PTPN12: variants seen among roughly 807,000 people sequenced by gnomAD.
The protein encoded by PTPN12 is tyrosine-protein phosphatase non-receptor type 12.
PTPN12 carries 29 observed loss-of-function variants against 97.6 expected under a neutral mutation model. The observed-to-expected ratio is 0.30, with a 90% CI of 0.22 to 0.41. The LOEUF is 0.41. PTPN12 is among the 10% of genes least tolerant of loss of function. PTPN12 has a pLI of 1.00. For synonymous variants in PTPN12, 327 were observed against 300.4 expected, an observed-to-expected ratio of 1.09 and a Z score of -0.91; for missense variants, 819 against 926.0, an observed-to-expected ratio of 0.88 and a Z score of 1.50.
intron 8 of PTPN12, 83 bp from the exon 9 acceptor site, chr7:77,607,152 T>C: frequency 9.0e-7 from 1 of 1,110,994 alleles, no homozygotes; most frequent in Non-Finnish European, 1.3e-6. Flanking sequence ...TTTTTGTTTC[T>C]GAATATTAAC....
chr7:77,631,484 T>G (rs1471047566), intron 13 of PTPN12, among the ~76,000 whole-genome samples: 1 of 152,138 alleles, frequency 6.6e-6, no homozygotes, highest in Non-Finnish European at 1.5e-5. Context: ...TCGCATTTCT[T>G]TTTCTTTATC....
chr7:77,571,987 TTC>T (rs1787158420), intron 2 of PTPN12, among the ~76,000 whole-genome samples: 2 of 152,230 alleles, frequency 1.3e-5, no homozygotes, highest in African/African-American at 4.8e-5. Flanking sequence ...GCCGTCGTTT[TTC>T]TTTCTTCATA....
intron 1 of PTPN12, among the ~76,000 whole-genome samples, chr7:77,538,373 GC>G (rs1221756046): frequency 6.6e-6 from 1 of 151,358 alleles, no homozygotes; most frequent in East Asian, 2.0e-4. Flanking sequence ...AAGGAAGCCA[GC>G]CGACTTCGGA....
Position 77,558,665 on chromosome 7 carries a change from C to T in PTPN12, c.100-12413C>T, listed in dbSNP as rs1239503306. 3.3e-5 allele frequency among the ~76,000 whole-genome samples: 5 copies of T among 152,250 alleles called. No homozygotes were observed. The South Asian group carries it at 6.2e-4, about 19-fold the overall frequency. On this transcript the variant is annotated intron_variant, in intron 1 of 17. Transcript: ENST00000248594. ...CTTGGCTGGTGTCTGGGAACTTAGACTTTTGGGAGAATTTCCATTATCCCC... is the reference window on the plus strand; with the variant it reads ...CTTGGCTGGTGTCTGGGAACTTAGATTTTTGGGAGAATTTCCATTATCCCC...
intron 14 of PTPN12, among the ~76,000 whole-genome samples, chr7:77,633,143 G>T (rs938389285): frequency 3.3e-5 from 5 of 151,876 alleles, no homozygotes; most frequent in African/African-American, 1.2e-4. Context: ...GGTGGCGCAT[G>T]CCTGTAATCC....
At chr7:77,609,340 C>T (rs1478507612) in intron 9 of PTPN12, among the ~76,000 whole-genome samples, 2 of 141,484 alleles carry the variant, frequency 1.4e-5, no homozygotes, top group Non-Finnish European at 3.0e-5. Context: ...GGTGTAATCT[C>T]GGCTCACTGC....
chr7:77,630,464 A>G (rs1284114087), intron 13 of PTPN12, among the ~76,000 whole-genome samples: 7 of 152,340 alleles, frequency 4.6e-5, no homozygotes, highest in African/African-American at 1.7e-4. Context: ...TCTGGGCCAT[A>G]CAATGTAACC....
intron 2 of PTPN12, among the ~76,000 whole-genome samples, chr7:77,580,101 A>G (rs1326096644): frequency 6.6e-6 from 1 of 152,262 alleles, no homozygotes; most frequent in East Asian, 1.9e-4. Context: ...ATGGCCCATC[A>G]GTAGAGTAGC....
intron 13 of PTPN12, 100 bp from the exon 14 acceptor site, chr7:77,632,248 C>A: frequency 1.1e-6 from 1 of 896,364 alleles, no homozygotes; most frequent in Middle Eastern, 2.9e-4. Flanking sequence ...AAAAACTGAT[C>A]TAGATATTTG....
intron 12 of PTPN12, among the ~76,000 whole-genome samples, chr7:77,625,474 T>TCGCGCTCTCTCTCTCC (rs761174867): frequency 6.9e-5 from 2 of 29,162 alleles, no homozygotes; most frequent in Non-Finnish European, 1.2e-4. Context: ...GGCTGCTCGC[T>TCGCGCTCTCTCTCTCC]CTCTCTCTCT....
intron 11 of PTPN12, among the ~76,000 whole-genome samples, chr7:77,613,232 T>C (rs1788633749): frequency 7.4e-6 from 1 of 135,076 alleles, no homozygotes; most frequent in South Asian, 2.4e-4. Flanking sequence ...TGGAGTGCAG[T>C]AGCACAGTCT....
chr7:77,564,759 T>TTTTG (rs1562715175), intron 1 of PTPN12, among the ~76,000 whole-genome samples: 10 of 99,124 alleles, frequency 1.0e-4, no homozygotes, highest in Admixed American at 3.3e-4. Flanking sequence ...TTTTTTTTTT[T>TTTTG]TTTTTTTTTT....
At chr7:77,594,118 G>T (rs570618971) in intron 6 of PTPN12, among the ~76,000 whole-genome samples, 36 of 152,222 alleles carry the variant, frequency 2.4e-4, no homozygotes, top group African/African-American at 8.2e-4. Flanking sequence ...GTAGTATTTA[G>T]TCAATATTCT....
intron 1 of PTPN12, among the ~76,000 whole-genome samples, chr7:77,546,960 G>A (rs1431956519): frequency 6.6e-6 from 1 of 152,224 alleles, no homozygotes; most frequent in Non-Finnish European, 1.5e-5. Context: ...ATTTGGTGGG[G>A]ACACAAAGCC....
intron 12 of PTPN12, among the ~76,000 whole-genome samples, chr7:77,621,208 T>C (rs1333042135): frequency 6.6e-6 from 1 of 152,106 alleles, no homozygotes; most frequent in Non-Finnish European, 1.5e-5. Context: ...TATCACTGCC[T>C]TCTGCCTCCA....
chr7:77,590,101 A>T (rs1009734277), intron 5 of PTPN12, among the ~76,000 whole-genome samples: 1 of 152,200 alleles, frequency 6.6e-6, no homozygotes, highest in Non-Finnish European at 1.5e-5. Flanking sequence ...CATTTTGACC[A>T]TGGTGCAGTA....
intron 7 of PTPN12, among the ~76,000 whole-genome samples, 158 bp from the exon 8 acceptor site, chr7:77,600,506 T>C (rs750037289): frequency 2.0e-5 from 3 of 152,174 alleles, no homozygotes; most frequent in Non-Finnish European, 4.4e-5. Context: ...GGCATGTGTT[T>C]AACAGTCAAT....
chr7:77,559,664 T>G (rs1051756840), intron 1 of PTPN12, among the ~76,000 whole-genome samples: 4 of 152,232 alleles, frequency 2.6e-5, no homozygotes, highest in African/African-American at 9.6e-5. Context: ...AGTTTTGCTC[T>G]CTAGTTTTAT....
intron 2 of PTPN12, among the ~76,000 whole-genome samples, chr7:77,581,045 T>G (rs766749430): frequency 1.1e-5 from 1 of 93,250 alleles, no homozygotes; most frequent in Non-Finnish European, 2.1e-5. Flanking sequence ...GTTTTTTTGT[T>G]TTGTTTTGTT....
Sources: gnomAD v4.1 joint callset for allele counts (sites outside exome capture counted in the v4.1 genomes callset) on GRCh38, gnomAD v4.1.1 for gene constraint, MANE v1.5 for transcripts, NCBI Gene and HGNC (gene_info 2026-07-23, HGNC 2026-07-21) for gene names.